Variants in GRIN2A observed in about 807,000 individuals in gnomAD.
GRIN2A encodes the protein glutamate receptor ionotropic, NMDA 2A.
Under a neutral mutation model 113.4 loss-of-function variants are expected in GRIN2A, and 22 were observed. The ratio of observed to expected loss-of-function variants is 0.19; its 90% CI spans 0.14 to 0.28. The LOEUF (loss-of-function observed/expected upper bound fraction) is 0.28. Ranked by LOEUF, GRIN2A falls within the 10% of genes least tolerant of loss-of-function variation. The pLI is 1.00. For missense variants in GRIN2A, 1,502 were observed against 1,887.0 expected, an observed-to-expected ratio of 0.80 and a Z score of 3.78; for synonymous variants, 827 against 738.4, an observed-to-expected ratio of 1.12 and a Z score of -1.94.
intron 11 of GRIN2A, among the ~76,000 whole-genome samples, chr16:9,795,323 C>G (rs1289117097): frequency 1.3e-5 from 2 of 152,098 alleles, no homozygotes; most frequent in African/African-American, 4.8e-5. Flanking sequence ...TGCTACACTC[C>G]CACCAGCGCC....
intron 3 of GRIN2A, among the ~76,000 whole-genome samples, chr16:9,905,643 G>C (rs554832392): frequency 7.2e-5 from 11 of 152,224 alleles, no homozygotes; most frequent in African/African-American, 2.6e-4. Context: ...ATCCCTTCTG[G>C]GGCAGAGCGA....
chr16:10,128,692 A>C (rs918305513), intron 2 of GRIN2A, among the ~76,000 whole-genome samples: 3 of 152,216 alleles, frequency 2.0e-5, no homozygotes, highest in Non-Finnish European at 4.4e-5. Context: ...CTTTATAAAT[A>C]TCTTTACATG....
intron 4 of GRIN2A, among the ~76,000 whole-genome samples, chr16:9,871,944 A>C (rs1269659321): frequency 1.3e-5 from 2 of 152,186 alleles, no homozygotes; most frequent in East Asian, 3.9e-4. Flanking sequence ...AGTCAGACAA[A>C]TGGGGTTCAG....
intron 10 of GRIN2A, among the ~76,000 whole-genome samples, chr16:9,807,813 A>G (rs1363158789): frequency 1.3e-5 from 2 of 152,162 alleles, no homozygotes; most frequent in African/African-American, 4.8e-5. Context: ...TACTTTGTGG[A>G]AAGTTGGGAA....
intron 2 of GRIN2A, among the ~76,000 whole-genome samples, chr16:10,119,944 T>C (rs1480917220): frequency 1.3e-5 from 2 of 152,234 alleles, no homozygotes; most frequent in Non-Finnish European, 2.9e-5. Flanking sequence ...TAGTACTCCA[T>C]GCTGTATATG....
chr16:10,073,076 C>T (rs1303005140), intron 2 of GRIN2A, among the ~76,000 whole-genome samples: 2 of 151,902 alleles, frequency 1.3e-5, no homozygotes, highest in African/African-American at 4.8e-5. Context: ...CTCCCTCAGC[C>T]TCCCAAGTAG....
chr16:9,934,348 G>A (rs1189611057), intron 3 of GRIN2A, among the ~76,000 whole-genome samples: 2 of 152,112 alleles, frequency 1.3e-5, no homozygotes, highest in Non-Finnish European at 2.9e-5. Flanking sequence ...GGCTAGCACA[G>A]AGTCTGTTGG....
At chr16:10,085,517 C>A in intron 2 of GRIN2A, among the ~76,000 whole-genome samples, 1 of 152,112 alleles carries the variant, frequency 6.6e-6, no homozygotes, top group East Asian at 1.9e-4. Context: ...GTGTGCAGCC[C>A]CCGTAAACTG....
At chr16:9,781,899 CA>C (rs924986907) in intron 11 of GRIN2A, among the ~76,000 whole-genome samples, 19 of 151,880 alleles carry the variant, frequency 1.3e-4, no homozygotes, top group African/African-American at 4.1e-4. Flanking sequence ...ACATTTTATG[CA>C]AAAAATTAAA....
intron 4 of GRIN2A, among the ~76,000 whole-genome samples, chr16:9,880,311 C>T (rs2043451482): frequency 1.3e-5 from 2 of 152,210 alleles, no homozygotes; most frequent in Non-Finnish European, 2.9e-5. Context: ...AGAAGTCAGA[C>T]TAAGCATTCT....
chr16:9,978,173 G>T (rs190847710), intron 2 of GRIN2A, among the ~76,000 whole-genome samples: 1 of 152,186 alleles, frequency 6.6e-6, no homozygotes, highest in Non-Finnish European at 1.5e-5. Flanking sequence ...AAAAGCAATG[G>T]GTTGTCAGTT....
intron 2 of GRIN2A, among the ~76,000 whole-genome samples, chr16:10,157,248 G>C (rs1451593334): frequency 6.6e-6 from 1 of 152,164 alleles, no homozygotes; most frequent in Admixed American, 6.5e-5. Flanking sequence ...GCCAGGTATA[G>C]TGTCAGAGAT....
chr16:9,859,390 T>C (rs2043022768), intron 4 of GRIN2A, among the ~76,000 whole-genome samples: 1 of 152,044 alleles, frequency 6.6e-6, no homozygotes, highest in African/African-American at 2.4e-5. Context: ...GAATGTCAGT[T>C]TTTACTATTA....
At chr16:9,794,749 C>T (rs1211872040) in intron 11 of GRIN2A, 1 of 152,196 alleles carries the variant, frequency 6.6e-6, no homozygotes, top group Non-Finnish European at 1.5e-5. Context: ...ACCCCTGGCC[C>T]ATCTGGATGC....
rs1169605282 is a variant in GRIN2A, at chr16:9,756,515, C to T, written c.*6634G>A. The T allele has an allele frequency of 4.5e-6, 1 of 220,480 alleles. No individual in the cohort carries two copies. The highest frequency in any genetic ancestry group is 2.2e-5 in the African/African-American group (1 of 44,612). 13.7% of individuals were successfully genotyped at this position (220,480 alleles called of 1,614,324 possible). A position where few individuals can be genotyped will look rare whatever the true frequency, so the allele number is the denominator to read the frequency against. ...CTCTTTCTGACTTCTATTCTGACCTCCCTGGAGGAGACCAGGCACTTTGAA... is the reference window on the plus strand; with the variant it reads ...CTCTTTCTGACTTCTATTCTGACCTTCCTGGAGGAGACCAGGCACTTTGAA... On this transcript the variant is annotated 3_prime_UTR_variant, in exon 13 of 13. Coordinates refer to ENST00000330684, the MANE Select transcript of GRIN2A (RefSeq NM_001134407.3).
intron 2 of GRIN2A, among the ~76,000 whole-genome samples, chr16:10,116,014 G>T (rs2048722701): frequency 6.6e-6 from 1 of 152,142 alleles, no homozygotes. Context: ...AAAGATACAT[G>T]CACACGTATG....
intron 2 of GRIN2A, among the ~76,000 whole-genome samples, chr16:10,113,309 C>A (rs2048660607): frequency 6.6e-6 from 1 of 152,198 alleles, no homozygotes. Context: ...GCCCCCTCAG[C>A]CATGTGGCAC....
intron 11 of GRIN2A, among the ~76,000 whole-genome samples, chr16:9,777,926 G>A (rs1003259063): frequency 1.3e-5 from 2 of 152,142 alleles, no homozygotes; most frequent in African/African-American, 2.4e-5. Flanking sequence ...TTAGCTGGGC[G>A]TGGTCGTGGG....
At chr16:10,035,473 T>G (rs1000623085) in intron 2 of GRIN2A, among the ~76,000 whole-genome samples, 4 of 152,188 alleles carry the variant, frequency 2.6e-5, no homozygotes, top group African/African-American at 9.7e-5. Context: ...CCCTGGCTCC[T>G]TTCAAAGCCC....
Sources: allele counts gnomAD v4.1 joint callset (sites outside exome capture counted in the v4.1 genomes callset), GRCh38; gene constraint gnomAD v4.1.1; transcripts MANE v1.5; gene names NCBI Gene and HGNC (gene_info 2026-07-23, HGNC 2026-07-21).